ZNF185: variants seen among roughly 807,000 people sequenced by gnomAD.
The protein encoded by ZNF185 is zinc finger protein 185 with LIM domain.
ZNF185 carries 56 observed loss-of-function variants against 58.6 expected under a neutral mutation model. The observed-to-expected ratio is 0.95, with a 90% confidence interval of 0.77 to 1.19. The LOEUF is 1.19. Among genes scored for constraint, ZNF185 ranks in the 50% most tolerant of loss-of-function variants. The pLI is 0.00. For synonymous variants in ZNF185, 230 were observed against 215.9 expected (o/e 1.07, Z -0.57); for missense variants, 627 against 573.5 (o/e 1.09, Z -0.95).
chrX:152,950,492 G>A (rs1234051884), intron 16 of ZNF185, among the ~76,000 whole-genome samples: 1 of 111,609 alleles, frequency 9.0e-6, no homozygotes, highest in Admixed American at 9.5e-5. Context: ...CTGAAACCCC[G>A]CTAGGAATTC....
chrX:152,919,340 C>A (rs868980845), intron 7 of ZNF185, among the ~76,000 whole-genome samples: 1 of 101,904 alleles, frequency 9.8e-6, no homozygotes, highest in African/African-American at 3.6e-5. Flanking sequence ...GAAAAGCCTC[C>A]TCATGTGGAG....
chrX:152,936,111 C>G (rs1040335068), intron 14 of ZNF185, among the ~76,000 whole-genome samples: 1 of 112,396 alleles, frequency 8.9e-6, no homozygotes, highest in African/African-American at 3.2e-5. Context: ...ACGAGACAGA[C>G]ATGATTAGCA....
intron 16 of ZNF185, among the ~76,000 whole-genome samples, chrX:152,954,323 CACTT>C (rs1390218033): frequency 3.8e-4 from 42 of 110,809 alleles, no homozygotes; most frequent in African/African-American, 1.3e-3. Context: ...TGCATTGCAG[CACTT>C]ACTTAACCAG....
At chrX:152,929,560 CCCT>C (rs1313770963) in intron 12 of ZNF185, among the ~76,000 whole-genome samples, 6 of 111,452 alleles carry the variant, frequency 5.4e-5, no homozygotes, top group African/African-American at 2.0e-4. Context: ...GGTCCCTTTA[CCCT>C]CCTCCTTGGC....
At chrX:152,921,083 G>C (rs1315371322) in intron 9 of ZNF185, among the ~76,000 whole-genome samples, 1 of 112,412 alleles carries the variant, frequency 8.9e-6, no homozygotes, top group Non-Finnish European at 1.9e-5. Context: ...CTCTCATCCA[G>C]GATCAAAACC....
intron 16 of ZNF185, among the ~76,000 whole-genome samples, chrX:152,949,270 A>AGGT (rs1230382218): frequency 1.8e-5 from 2 of 112,484 alleles, no homozygotes; most frequent in Non-Finnish European, 3.8e-5. Flanking sequence ...TCTGGCTTTC[A>AGGT]GGTGGAGGCC....
intron 15 of ZNF185, among the ~76,000 whole-genome samples, chrX:152,940,028 C>T (rs1308541046): frequency 9.0e-6 from 1 of 111,170 alleles, no homozygotes; most frequent in African/African-American, 3.3e-5. Context: ...AGCCATCCAC[C>T]CATCTTGGCC....
chrX:152,950,414 TATCTA>T (rs1396647348), intron 16 of ZNF185, among the ~76,000 whole-genome samples: 4 of 111,865 alleles, frequency 3.6e-5, no homozygotes, highest in South Asian at 3.7e-4. Flanking sequence ...GTATTGTTCT[TATCTA>T]ATATAAGGCA....
the ZNF185 span, among the ~76,000 whole-genome samples, chrX:152,908,730 A>G: frequency 4.4e-5 from 5 of 113,428 alleles, no homozygotes; most frequent in South Asian, 1.8e-3. Context: ...GCCGTCGTGC[A>G]TGGGCTTACC....
chrX:152,956,833 C>T (rs1302921200), intron 16 of ZNF185, among the ~76,000 whole-genome samples: 11 of 112,493 alleles, frequency 9.8e-5, no homozygotes, highest in African/African-American at 2.9e-4. Context: ...AGTGCATTAT[C>T]GATGTCAAAC....
chrX:152,923,274 T>C (rs1472245321), intron 11 of ZNF185, among the ~76,000 whole-genome samples: 1 of 111,360 alleles, frequency 9.0e-6, no homozygotes, highest in African/African-American at 3.3e-5. Flanking sequence ...ACCATAGCAA[T>C]CCCCCAATTT....
chrX:152,972,876 C>T (rs1217523770), exon 23 of ZNF185: 1 of 111,962 alleles, frequency 8.9e-6, no homozygotes, highest in East Asian at 2.8e-4. Context: ...AGGGCCTCTG[C>T]TCTTGATTTA....
chrX:152,936,426 C>T, intron 14 of ZNF185: 1 of 1,165,979 alleles, frequency 8.6e-7, no homozygotes, highest in Non-Finnish European at 1.1e-6. Context: ...AGGCTGTGTG[C>T]AGCTGCTAGC....
chrX:152,926,505 C>T (rs1556872848), intron 11 of ZNF185, among the ~76,000 whole-genome samples: 1 of 112,982 alleles, frequency 8.9e-6, no homozygotes, highest in African/African-American at 3.2e-5. Context: ...CCTCCTCGCT[C>T]TTTGGCAGAA....
chrX:152,920,708 A>C, exon 9 of ZNF185: 3 of 1,211,948 alleles, frequency 2.5e-6, no homozygotes, highest in Non-Finnish European at 3.4e-6. Flanking sequence ...CCTTTCCAGC[A>C]GTCCTACCCA....
intron 16 of ZNF185, among the ~76,000 whole-genome samples, chrX:152,957,487 A>T (rs1200574299): frequency 3.6e-5 from 4 of 112,314 alleles, no homozygotes; most frequent in Non-Finnish European, 7.5e-5. Flanking sequence ...TTGAGCTTGC[A>T]AAGGCTTTTA....
chrX:152,954,769 A>G (rs150233967), intron 16 of ZNF185, among the ~76,000 whole-genome samples: 59 of 112,356 alleles, frequency 5.3e-4, no homozygotes, highest in Non-Finnish European at 9.6e-4. Context: ...TAAATGTAAC[A>G]CCTATGAGAC....
chrX:152,933,066 G>C, intron 14 of ZNF185, 95 bp downstream of exon 15: 1 of 537,007 alleles, frequency 1.9e-6, no homozygotes. Context: ...GTGGGGCACT[G>C]GTCACTTCCT....
At chrX:152,935,928 C>T (rs991835744) in intron 14 of ZNF185, among the ~76,000 whole-genome samples, 2 of 111,836 alleles carry the variant, frequency 1.8e-5, no homozygotes, top group Non-Finnish European at 3.8e-5. Context: ...GTAAGACATT[C>T]CCCACTAAAT....
Sources: allele counts gnomAD v4.1 joint callset (sites outside exome capture counted in the v4.1 genomes callset), GRCh38; gene constraint gnomAD v4.1.1; transcripts MANE v1.5; gene names NCBI Gene and HGNC (gene_info 2026-07-23, HGNC 2026-07-21).